The following RAP1GDS1 variants were observed in gnomAD, a reference collection of about 807,000 sequenced individuals.
RAP1GDS1 encodes Rap1 GTPase-GDP dissociation stimulator 1, also known as RAP1, GTP-GDP dissociation stimulator 1.
RAP1GDS1 carries 35 observed loss-of-function variants against 71.1 expected under a neutral mutation model. That is an observed-to-expected ratio of 0.49 (90% CI 0.38 to 0.65). RAP1GDS1 has a LOEUF of 0.65. Ranked by LOEUF, RAP1GDS1 falls within the 30% of genes least tolerant of loss-of-function variation. The pLI is 0.00. For synonymous variants in RAP1GDS1, 229 were observed against 243.1 expected, an observed-to-expected ratio of 0.94 and a Z score of 0.54; for missense variants, 663 against 706.1, an observed-to-expected ratio of 0.94 and a Z score of 0.69.
chr4:98,418,908 G>A, intron 10 of RAP1GDS1, 117 bp downstream of exon 10: 1 of 1,060,748 alleles, frequency 9.4e-7, no homozygotes. Flanking sequence ...AAAAAAAATA[G>A]TCTTCACATT....
Position 98,341,145 on chromosome 4 carries a change from G to A in RAP1GDS1, c.113-1994G>A, listed in dbSNP as rs138008547. On this transcript the variant is annotated intron_variant, in intron 2 of 14. Coordinates refer to ENST00000408927, the MANE Select transcript of RAP1GDS1 (RefSeq NM_001100427.2). ...CACAGAAAAATGGTAGTTCCCAGAC[G>A]TTTACATTCTAAACCTATATAGAAA... Among the ~76,000 whole-genome samples the A allele has an allele frequency of 9.1e-3, 1,378 of 152,122 alleles. 9 individuals are homozygous for A. Among genetic ancestry groups the A allele is most frequent in the Middle Eastern group, 0.048 (14 of 294 alleles).
chr4:98,370,963 C>T (rs2110466496), intron 4 of RAP1GDS1, among the ~76,000 whole-genome samples: 1 of 152,282 alleles, frequency 6.6e-6, no homozygotes, highest in Non-Finnish European at 1.5e-5. Context: ...TTTGTGTCTA[C>T]TGTACCTGAC....
At chr4:98,286,125 C>T (rs749213709) in intron 1 of RAP1GDS1, among the ~76,000 whole-genome samples, 42 of 151,496 alleles carry the variant, frequency 2.8e-4, no homozygotes, top group Non-Finnish European at 4.0e-4. Flanking sequence ...ATTAGCTGGG[C>T]GTTGTAGTCA....
intron 2 of RAP1GDS1, among the ~76,000 whole-genome samples, chr4:98,298,734 C>T (rs1048951908): frequency 3.3e-5 from 5 of 152,106 alleles, no homozygotes; most frequent in African/African-American, 9.7e-5. Context: ...AACACAACAT[C>T]CGTGGATGAA....
intron 1 of RAP1GDS1, 189 bp downstream of exon 1, chr4:98,261,758 C>G (rs1273036994): frequency 9.9e-6 from 7 of 704,018 alleles, no homozygotes; most frequent in Admixed American, 9.6e-5. Context: ...GGGAGGGTCC[C>G]GAGCGCGGGC....
At chr4:98,433,915 C>T in intron 12 of RAP1GDS1, 21 bp from the exon 13 acceptor site, 1 of 1,586,724 alleles carries the variant, frequency 6.3e-7, no homozygotes, top group Non-Finnish European at 8.6e-7. Flanking sequence ...GTCTATAATT[C>T]TCTGATATTA....
intron 2 of RAP1GDS1, among the ~76,000 whole-genome samples, chr4:98,322,917 A>C (rs1005072600): frequency 2.6e-5 from 3 of 115,184 alleles, no homozygotes; most frequent in Non-Finnish European, 4.8e-5. Context: ...AAATAACTAA[A>C]ATCAGAGCAG....
chr4:98,315,795 G>T (rs1172681893), intron 2 of RAP1GDS1, among the ~76,000 whole-genome samples: 1 of 152,074 alleles, frequency 6.6e-6, no homozygotes, highest in East Asian at 1.9e-4. Context: ...GAGACAGTGT[G>T]AAAGGAAAAA....
chr4:98,362,287 C>T (rs768557728), intron 4 of RAP1GDS1, among the ~76,000 whole-genome samples: 26 of 152,028 alleles, frequency 1.7e-4, no homozygotes, highest in Non-Finnish European at 2.9e-4. Context: ...CAAGATTAGC[C>T]TGGGCGTCAT....
At chr4:98,359,270 A>G (rs1738389789) in intron 4 of RAP1GDS1, among the ~76,000 whole-genome samples, 2 of 152,178 alleles carry the variant, frequency 1.3e-5, no homozygotes, top group Admixed American at 6.5e-5. Flanking sequence ...TTTCCTAGAA[A>G]GGGAATAACT....
rs972660485 is a variant in RAP1GDS1, at chr4:98,342,952, A to G, written c.113-187A>G. Among the ~76,000 whole-genome samples, 4 of 149,632 alleles carry G rather than the reference A, an allele frequency of 2.7e-5. No homozygotes were observed. The East Asian group carries it at 8.1e-4, about 30-fold the overall frequency. On this transcript the variant is annotated intron_variant, in intron 2 of 14. Transcript: ENST00000408927. ...TATTATCAAGTGTTTTGTGCCGATT[A>G]AAACTCAAAATAAAAGCAGCTTGTG...
In RAP1GDS1 at chr4:98,379,126, CTT is replaced by C; in HGVS notation, c.474_475del (p.Phe158LeufsTer8). 21 of 1,608,666 alleles carry C rather than the reference CTT, an allele frequency of 1.3e-5. No individual in the cohort carries two copies. The highest frequency in any genetic ancestry group is 1.7e-5 in the Non-Finnish European group (20 of 1,177,528). On this transcript the variant is annotated frameshift_variant, in exon 5 of 15. Transcript: ENST00000408927. LOFTEE classifies it high-confidence loss of function. ...DPANEKLLTV[F>X]CGMLMNYSNE... The stretch of plus-strand genomic sequence containing the variant: ...CCGCCAATGAGAAGCTCTTGACTGT[CTT>C]TTGTGGCATGCTGATGAACTATAGC...
intron 1 of RAP1GDS1, among the ~76,000 whole-genome samples, chr4:98,290,967 A>C (rs1053541040): frequency 6.6e-6 from 1 of 152,144 alleles, no homozygotes; most frequent in Non-Finnish European, 1.5e-5. Context: ...ATAGAGAAGG[A>C]AGATCTATTG....
intron 14 of RAP1GDS1, among the ~76,000 whole-genome samples, chr4:98,440,963 G>C (rs1177933967): frequency 6.6e-6 from 1 of 152,222 alleles, no homozygotes; most frequent in South Asian, 2.1e-4. Context: ...AAAGTGCTGG[G>C]ATAACAGGCG....
At chr4:98,342,486 C>G (rs1287138851) in intron 2 of RAP1GDS1, among the ~76,000 whole-genome samples, 1 of 135,938 alleles carries the variant, frequency 7.4e-6, no homozygotes, top group Non-Finnish European at 1.5e-5. Flanking sequence ...TTTATAGGCC[C>G]ATTATTTGTA....
Position 98,417,347 on chromosome 4 carries a change from T to C in RAP1GDS1, c.908-20T>C. On this transcript the variant is annotated intron_variant, in intron 8 of 14. Coordinates refer to ENST00000408927, the MANE Select transcript of RAP1GDS1 (RefSeq NM_001100427.2). ...TAGTTATTTTTCTCTTGCTTAACTA[T>C]TCGTTTCATTTACCTCCAGATGAAT... The C allele has an allele frequency of 1.2e-6, 2 of 1,600,734 alleles. No homozygotes were observed. The highest frequency in any genetic ancestry group is 1.7e-6 in the Non-Finnish European group (2 of 1,172,618).
At chr4:98,402,306 A>G (rs1205534122) in intron 6 of RAP1GDS1, among the ~76,000 whole-genome samples, 1 of 152,120 alleles carries the variant, frequency 6.6e-6, no homozygotes, top group Non-Finnish European at 1.5e-5. Flanking sequence ...TCCTGGGCTC[A>G]AGGGATCTGC....
intron 1 of RAP1GDS1, among the ~76,000 whole-genome samples, chr4:98,291,735 GGTGTA>G (rs1051216851): frequency 6.6e-6 from 1 of 152,126 alleles, no homozygotes; most frequent in African/African-American, 2.4e-5. Flanking sequence ...GACAGCCACA[GGTGTA>G]GAACAGAAAA....
At chr4:98,436,589 A>G (rs1483222567) in intron 13 of RAP1GDS1, among the ~76,000 whole-genome samples, 1 of 152,206 alleles carries the variant, frequency 6.6e-6, no homozygotes, top group Non-Finnish European at 1.5e-5. Flanking sequence ...GGTGAATGAG[A>G]GAGATCGGCC....
Sources: allele counts gnomAD v4.1 joint callset (sites outside exome capture counted in the v4.1 genomes callset), GRCh38; gene constraint gnomAD v4.1.1; transcripts MANE v1.5; gene names NCBI Gene and HGNC (gene_info 2026-07-23, HGNC 2026-07-21).